Variants in LRRC37A2 observed in about 807,000 individuals in gnomAD.
The protein encoded by LRRC37A2 is leucine rich repeat containing 37 member A2, also known as leucine-rich repeat-containing protein 37A2.
LRRC37A2 carries 9 observed loss-of-function variants against 68.8 expected under a neutral mutation model. The observed-to-expected ratio is 0.13, with a 90% CI of 0.08 to 0.23. The LOEUF is 0.23. LRRC37A2 is among the 10% of genes least tolerant of loss of function. The pLI, the probability that LRRC37A2 is intolerant of heterozygous loss-of-function variation, is 1.00. For synonymous variants in LRRC37A2, 63 were observed against 367.6 expected (o/e 0.17, Z 9.48); for missense variants, 168 against 950.4 (o/e 0.18, Z 10.82).
chr17:47,020,797 A>AAAAAAAAAAAAC, the LRRC37A2 span, among the ~76,000 whole-genome samples: 1 of 146,222 alleles, frequency 6.8e-6, no homozygotes, highest in African/African-American at 2.5e-5. Context: ...AAAAAAAAAA[A>AAAAAAAAAAAAC]AAAAAAAAAT....
chr17:46,711,232 T>G, the LRRC37A2 span: 2 of 1,013,864 alleles, frequency 2.0e-6, no homozygotes, highest in African/African-American at 1.7e-5. Flanking sequence ...TTAACCTTGT[T>G]CTTGATCTGA....
At chr17:46,902,212 CT>C in the LRRC37A2 span, among the ~76,000 whole-genome samples, 2 of 152,188 alleles carry the variant, frequency 1.3e-5, no homozygotes, top group African/African-American at 4.8e-5. Context: ...AAGCATCTTC[CT>C]TCTGGGAAGT....
At chr17:46,842,175 G>C in the LRRC37A2 span, among the ~76,000 whole-genome samples, 3 of 152,324 alleles carry the variant, frequency 2.0e-5, no homozygotes, top group Admixed American at 6.5e-5. Flanking sequence ...TTAGGTCCTT[G>C]GGCAGGCCAC....
chr17:47,048,433 G>A, the LRRC37A2 span, among the ~76,000 whole-genome samples: 4 of 138,382 alleles, frequency 2.9e-5, no homozygotes, highest in East Asian at 2.1e-4. Flanking sequence ...CTGCATTTTA[G>A]GACCTCAAGT....
the LRRC37A2 span, among the ~76,000 whole-genome samples, chr17:46,890,007 C>A: frequency 6.6e-6 from 1 of 152,194 alleles, no homozygotes; most frequent in East Asian, 1.9e-4. Flanking sequence ...ACTATTATTA[C>A]CGCAAGTATC....
chr17:46,760,633 C>CAAA, the LRRC37A2 span, among the ~76,000 whole-genome samples: 81 of 61,268 alleles, frequency 1.3e-3, 1 homozygote, highest in African/African-American at 3.0e-3. Context: ...GACCCTATCT[C>CAAA]AAAAAAAAAA....
chr17:46,728,425 A>T, the LRRC37A2 span, among the ~76,000 whole-genome samples: 2 of 152,146 alleles, frequency 1.3e-5, no homozygotes, highest in East Asian at 1.9e-4. Flanking sequence ...CAGAAAAAAC[A>T]TCTACATGAA....
the LRRC37A2 span, among the ~76,000 whole-genome samples, chr17:46,605,699 T>A: frequency 1.6e-5 from 1 of 61,778 alleles, no homozygotes; most frequent in Non-Finnish European, 3.1e-5. Flanking sequence ...GAAATTCAGA[T>A]CAATTTCCTG....
the LRRC37A2 span, among the ~76,000 whole-genome samples, chr17:46,740,975 A>G: frequency 6.6e-6 from 1 of 152,210 alleles, no homozygotes; most frequent in East Asian, 1.9e-4. Flanking sequence ...ATTTCTAGGT[A>G]ATAAATCTCC....
chr17:46,773,001 A>G, the LRRC37A2 span, among the ~76,000 whole-genome samples: 4 of 152,124 alleles, frequency 2.6e-5, no homozygotes, highest in Non-Finnish European at 5.9e-5. Flanking sequence ...TGAGCCCCCA[A>G]GTCCCCTTCT....
the LRRC37A2 span, chr17:46,722,262 T>TC: frequency 5.8e-6 from 6 of 1,038,892 alleles, no homozygotes; most frequent in Non-Finnish European, 9.0e-6. Context: ...AGATTAATTT[T>TC]GGGGGGAGTC....
the LRRC37A2 span, chr17:46,876,346 G>C: frequency 2.5e-6 from 4 of 1,614,000 alleles, no homozygotes; most frequent in Non-Finnish European, 2.5e-6. Flanking sequence ...TCCGTGAGAC[G>C]GGCCAGGTGC....
the LRRC37A2 span, among the ~76,000 whole-genome samples, chr17:46,824,476 T>C: frequency 6.6e-6 from 1 of 152,260 alleles, no homozygotes; most frequent in Non-Finnish European, 1.5e-5. Flanking sequence ...CTTGAACTCC[T>C]GACCTCAGGT....
chr17:46,808,500 A>G, the LRRC37A2 span, among the ~76,000 whole-genome samples: 1 of 152,198 alleles, frequency 6.6e-6, no homozygotes, highest in Non-Finnish European at 1.5e-5. Context: ...TAGAAGGAAA[A>G]AGGCTTTAGG....
the LRRC37A2 span, among the ~76,000 whole-genome samples, chr17:46,917,739 C>T: frequency 1.3e-5 from 2 of 152,154 alleles, no homozygotes; most frequent in Admixed American, 1.3e-4. Flanking sequence ...CTCTGCAGTA[C>T]CAGCTTTAAA....
chr17:46,729,532 A>G, the LRRC37A2 span, among the ~76,000 whole-genome samples: 3 of 83,776 alleles, frequency 3.6e-5, no homozygotes, highest in African/African-American at 1.3e-4. Flanking sequence ...AAACCAACCT[A>G]TGAAGGTTGG....
At chr17:46,816,782 A>G in the LRRC37A2 span, among the ~76,000 whole-genome samples, 338 of 152,254 alleles carry the variant, frequency 2.2e-3, no homozygotes, top group African/African-American at 7.8e-3. Context: ...ATGGGCCGCC[A>G]AACCTTTCCT....
chr17:46,522,582 C>G (rs1307339655), intron 4 of LRRC37A2, among the ~76,000 whole-genome samples: 1 of 61,940 alleles, frequency 1.6e-5, no homozygotes, highest in Non-Finnish European at 3.0e-5. Context: ...GCAGCTAGGA[C>G]TACAGGCACG....
chr17:46,951,882 G>C, the LRRC37A2 span, among the ~76,000 whole-genome samples: 1 of 151,900 alleles, frequency 6.6e-6, no homozygotes, highest in African/African-American at 2.4e-5. Context: ...TGTTTGCCTC[G>C]CTGCTTCTCC....
Sources: gnomAD v4.1 joint callset for allele counts (sites outside exome capture counted in the v4.1 genomes callset) on GRCh38, gnomAD v4.1.1 for gene constraint, MANE v1.5 for transcripts, NCBI Gene and HGNC (gene_info 2026-07-23, HGNC 2026-07-21) for gene names.